FHOD3: variants seen among roughly 807,000 people sequenced by gnomAD.
FHOD3 encodes the protein formin homology 2 domain containing 3, also known as FH1/FH2 domain-containing protein 3.
A neutral mutation model predicts 173.0 loss-of-function variants in FHOD3; 90 were observed. That is an observed-to-expected ratio of 0.52 (90% confidence interval 0.44 to 0.62). The LOEUF is 0.62. Ranked by LOEUF, FHOD3 falls within the 20% of genes least tolerant of loss-of-function variation. The pLI is 0.00. For missense variants in FHOD3, 1,945 were observed against 2,034.7 expected, an observed-to-expected ratio of 0.96 and a Z score of 0.85; for synonymous variants, 828 against 823.0, an observed-to-expected ratio of 1.01 and a Z score of -0.10.
chr18:36,538,703 C>G (rs1255031436), intron 5 of FHOD3, among the ~76,000 whole-genome samples: 1 of 152,084 alleles, frequency 6.6e-6, no homozygotes. Flanking sequence ...ATTTATAGGA[C>G]ATTCTTGGAG....
At chr18:36,490,653 C>T (rs745712058) in intron 3 of FHOD3, among the ~76,000 whole-genome samples, 2 of 152,194 alleles carry the variant, frequency 1.3e-5, no homozygotes, top group Non-Finnish European at 2.9e-5. Flanking sequence ...GTTTCAGCTC[C>T]TGCAATACTG....
chr18:36,695,492 C>T (rs916287950), intron 17 of FHOD3, among the ~76,000 whole-genome samples: 1 of 152,096 alleles, frequency 6.6e-6, no homozygotes, highest in Admixed American at 6.6e-5. Flanking sequence ...CTTGAATCTG[C>T]ATATAACCAA....
intron 1 of FHOD3, among the ~76,000 whole-genome samples, chr18:36,323,917 C>T (rs2044531243): frequency 6.6e-6 from 1 of 152,192 alleles, no homozygotes; most frequent in Non-Finnish European, 1.5e-5. Flanking sequence ...GACATTTAAA[C>T]AGCTAGCCAG....
chr18:36,363,963 C>T (rs148196637), intron 2 of FHOD3, among the ~76,000 whole-genome samples: 39 of 152,166 alleles, frequency 2.6e-4, no homozygotes, highest in African/African-American at 8.9e-4. Flanking sequence ...AAACAAAAGC[C>T]ACTCTAAGAA....
chr18:36,563,991 G>A (rs572904485), intron 5 of FHOD3, among the ~76,000 whole-genome samples: 13 of 152,202 alleles, frequency 8.5e-5, no homozygotes, highest in African/African-American at 3.1e-4. Context: ...AGGGACAGAT[G>A]CCCTAAGTGT....
intron 3 of FHOD3, among the ~76,000 whole-genome samples, chr18:36,395,533 T>G (rs1273625308): frequency 1.3e-5 from 2 of 152,168 alleles, no homozygotes; most frequent in African/African-American, 4.8e-5. Flanking sequence ...GTTTTCATAA[T>G]AATTCTTTTT....
At chr18:36,636,286 C>G (rs1198258202) in intron 10 of FHOD3, among the ~76,000 whole-genome samples, 1 of 152,158 alleles carries the variant, frequency 6.6e-6, no homozygotes, top group Non-Finnish European at 1.5e-5. Flanking sequence ...CCCAGGATCC[C>G]TTTGGAGATG....
chr18:36,514,011 A>ATTTTTTTTTT (rs1555735785), intron 5 of FHOD3, among the ~76,000 whole-genome samples: 1 of 65,614 alleles, frequency 1.5e-5, no homozygotes, highest in African/African-American at 5.7e-5. Flanking sequence ...TGCTATTTCT[A>ATTTTTTTTTT]TTCTTTTTTT....
intron 2 of FHOD3, among the ~76,000 whole-genome samples, chr18:36,369,866 C>A (rs939808663): frequency 1.3e-5 from 2 of 152,044 alleles, no homozygotes; most frequent in African/African-American, 4.8e-5. Flanking sequence ...TACAGTGAGG[C>A]AATTGTGCAG....
chr18:36,745,927 T>C, intron 23 of FHOD3, among the ~76,000 whole-genome samples: 1 of 151,804 alleles, frequency 6.6e-6, no homozygotes, highest in East Asian at 1.9e-4. Flanking sequence ...GCCTTTCCCA[T>C]CTTAGCTACT....
intron 3 of FHOD3, among the ~76,000 whole-genome samples, chr18:36,452,470 C>A (rs1035361667): frequency 4.6e-5 from 7 of 152,204 alleles, no homozygotes; most frequent in African/African-American, 1.4e-4. Context: ...AACATAAGAT[C>A]TATCCTTTTA....
rs375672286 is a variant in FHOD3, at chr18:36,415,044, C to T, written c.337+42300C>T. Among the ~76,000 whole-genome samples the T allele has an allele frequency of 7.9e-4, 120 of 152,176 alleles. 1 individual carries two copies. The highest frequency in any genetic ancestry group is 9.6e-4 in the African/African-American group (40 of 41,518). On this transcript the variant is annotated intron_variant, in intron 3 of 28. Coordinates refer to ENST00000590592, the MANE Select transcript of FHOD3 (RefSeq NM_001281740.3). Reference sequence around the variant, plus strand: ...GGGAACTGGGGAGCAAGGACCACAGCGGGGGATTTTTGGGCACCTCCATTT... The same window carrying T: ...GGGAACTGGGGAGCAAGGACCACAGTGGGGGATTTTTGGGCACCTCCATTT...
rs201560934 is a variant in FHOD3, at chr18:36,352,246, CA to C, written c.166-3286del. 8.4e-3 allele frequency among the ~76,000 whole-genome samples: 1,266 copies of C among 150,306 alleles called. 14 individuals carry two copies. The highest frequency in any genetic ancestry group is 0.029 in the African/African-American group (1,177 of 40,946). Reference sequence around the variant, plus strand: ...GCGCAACAGTGAGACCCCCCTGCTACAAAAAAATAGTAATAATAGTAAATAA... The same window carrying C: ...GCGCAACAGTGAGACCCCCCTGCTACAAAAAATAGTAATAATAGTAAATAA... On this transcript the variant is annotated intron_variant, in intron 1 of 28. Transcript: ENST00000590592.
intron 5 of FHOD3, among the ~76,000 whole-genome samples, chr18:36,527,128 G>A (rs2056556921): frequency 6.6e-6 from 1 of 152,166 alleles, no homozygotes; most frequent in South Asian, 2.1e-4. Context: ...CTGATTCCTG[G>A]TGGAGGGGCC....
chr18:36,513,841 TGA>T (rs1459273887), intron 5 of FHOD3, among the ~76,000 whole-genome samples: 1 of 151,908 alleles, frequency 6.6e-6, no homozygotes, highest in African/African-American at 2.4e-5. Flanking sequence ...CAAATGTGTG[TGA>T]GAGTTCCTGA....
At position 36,372,734 on chromosome 18, in the gene FHOD3, T is replaced by C. The variant is rs1409698048; in HGVS notation, c.327T>C (p.His109=). 6.2e-7 allele frequency: 1 copy of C among 1,613,982 alleles called. No individual in the cohort carries two copies. The highest frequency in any genetic ancestry group is 8.5e-7 in the Non-Finnish European group (1 of 1,179,920). The change falls in exon 3 of 29, where the codon CAT becomes CAC. Residue 109 remains histidine (H), a synonymous_variant. Coordinates refer to ENST00000590592, the MANE Select transcript of FHOD3 (RefSeq NM_001281740.3). ...ILRTQLSVRV[H]ACIEKLYNSS... ...GGACGCAGCTGTCTGTGAGGGTCCA[T>C]GCCTGCATCGGTGAGTGACACCTGC...
At chr18:36,624,537 G>A (rs1421297289) in intron 9 of FHOD3, among the ~76,000 whole-genome samples, 3 of 152,112 alleles carry the variant, frequency 2.0e-5, no homozygotes. Flanking sequence ...GAAGAGAGGT[G>A]GAGGAGAGTT....
At chr18:36,755,396 GCTTTTTTT>G in intron 25 of FHOD3, 85 bp downstream of exon 25, 3 of 268,580 alleles carry the variant, frequency 1.1e-5, no homozygotes, top group South Asian at 1.7e-4. Flanking sequence ...TAAAAGCTGT[GCTTTTTTT>G]TTTTTTTTTT....
At chr18:36,545,842 G>A (rs942635638) in intron 5 of FHOD3, among the ~76,000 whole-genome samples, 2 of 152,170 alleles carry the variant, frequency 1.3e-5, no homozygotes, top group East Asian at 1.9e-4. Context: ...GTATCTCTTG[G>A]TCTTTAAAGA....
Sources: gnomAD v4.1 joint callset for allele counts (sites outside exome capture counted in the v4.1 genomes callset) on GRCh38, gnomAD v4.1.1 for gene constraint, MANE v1.5 for transcripts, NCBI Gene and HGNC (gene_info 2026-07-23, HGNC 2026-07-21) for gene names.